Variants in FAM81A observed in about 807,000 individuals in gnomAD.
The protein encoded by FAM81A is protein FAM81A.
FAM81A carries 19 observed loss-of-function variants against 46.7 expected under a neutral mutation model. That is an observed-to-expected ratio of 0.41 (90% CI 0.28 to 0.60). The LOEUF (loss-of-function observed/expected upper bound fraction) is 0.60. FAM81A is among the 20% of genes least tolerant of loss of function. FAM81A has a pLI of 0.34. For missense variants in FAM81A, 377 were observed against 453.5 expected, an observed-to-expected ratio of 0.83 and a Z score of 1.53; for synonymous variants, 183 against 152.9, an observed-to-expected ratio of 1.20 and a Z score of -1.45.
At chr15:59,451,705 G>A (rs569220624) in intron 1 of FAM81A, among the ~76,000 whole-genome samples, 4 of 152,046 alleles carry the variant, frequency 2.6e-5, no homozygotes, top group Non-Finnish European at 4.4e-5. Flanking sequence ...CGTCCACCTC[G>A]GCCTCCCAAA....
chr15:59,442,618 C>CAAAAAAAAAAAAAA (rs1196305104), intron 1 of FAM81A, among the ~76,000 whole-genome samples: 6 of 76,696 alleles, frequency 7.8e-5, no homozygotes, highest in Non-Finnish European at 1.6e-4. Flanking sequence ...CTCCGTCTCT[C>CAAAAAAAAAAAAAA]AAAAAAAAAA....
intron 2 of FAM81A, among the ~76,000 whole-genome samples, chr15:59,422,728 A>G (rs547063178): frequency 4.5e-4 from 69 of 152,080 alleles, no homozygotes; most frequent in Non-Finnish European, 8.5e-4. Context: ...TGTCTGTCTC[A>G]GCCTCCCAAA....
At chr15:59,425,902 A>C (rs11855042) in intron 2 of FAM81A, among the ~76,000 whole-genome samples, 1 of 152,058 alleles carries the variant, frequency 6.6e-6, no homozygotes, top group African/African-American at 2.4e-5. Context: ...TTACAGGCAT[A>C]AGCCACTGCA....
chr15:59,404,055 G>A (rs1296497625), intron 2 of FAM81A, among the ~76,000 whole-genome samples: 2 of 151,838 alleles, frequency 1.3e-5, no homozygotes, highest in Non-Finnish European at 2.9e-5. Flanking sequence ...GCTAGTTTTT[G>A]TATTTTTAGT....
intron 2 of FAM81A, among the ~76,000 whole-genome samples, chr15:59,421,502 C>T (rs1352445367): frequency 6.6e-6 from 1 of 152,138 alleles, no homozygotes; most frequent in African/African-American, 2.4e-5. Flanking sequence ...GTCTGCTTTC[C>T]TCACAGGAGC....
chr15:59,518,180 GTTGGCCAGGCTAGTC>G (rs2082287313), intron 8 of FAM81A, among the ~76,000 whole-genome samples: 2 of 147,412 alleles, frequency 1.4e-5, no homozygotes, highest in Non-Finnish European at 3.0e-5. Flanking sequence ...GTTTCACCAT[GTTGGCCAGGCTAGTC>G]TTGAACCCCC....
chr15:59,459,559 G>T (rs1006161009), intron 2 of FAM81A, among the ~76,000 whole-genome samples: 9 of 152,012 alleles, frequency 5.9e-5, no homozygotes, highest in Non-Finnish European at 1.2e-4. Context: ...CCTGACCCAC[G>T]TAGGCATTGA....
intron 2 of FAM81A, among the ~76,000 whole-genome samples, chr15:59,415,948 T>A (rs1202354721): frequency 6.6e-6 from 1 of 152,220 alleles, no homozygotes; most frequent in African/African-American, 2.4e-5. Flanking sequence ...GGTCACAGAC[T>A]GGGTTCTGGA....
At chr15:59,474,129 C>G (rs1427771874) in intron 3 of FAM81A, among the ~76,000 whole-genome samples, 3 of 152,162 alleles carry the variant, frequency 2.0e-5, no homozygotes, top group African/African-American at 7.2e-5. Context: ...TCGTGCCACT[C>G]TTACTATAGC....
chr15:59,499,445 G>A (rs978644485), intron 4 of FAM81A, among the ~76,000 whole-genome samples: 3 of 152,154 alleles, frequency 2.0e-5, no homozygotes, highest in African/African-American at 7.2e-5. Context: ...TGACAGGAGA[G>A]AAAATATTCA....
intron 3 of FAM81A, among the ~76,000 whole-genome samples, chr15:59,485,206 G>A (rs775044548): frequency 6.6e-6 from 1 of 152,208 alleles, no homozygotes; most frequent in Non-Finnish European, 1.5e-5. Context: ...CTTAGGGGAA[G>A]GACACAAGCC....
At chr15:59,512,517 T>G (rs1330628184) in intron 6 of FAM81A, among the ~76,000 whole-genome samples, 6 of 148,374 alleles carry the variant, frequency 4.0e-5, no homozygotes, top group Non-Finnish European at 8.9e-5. Flanking sequence ...AAAAATATGC[T>G]GTTTTAAGAT....
At chr15:59,417,408 A>AC (rs2081151420) in intron 2 of FAM81A, among the ~76,000 whole-genome samples, 1 of 151,776 alleles carries the variant, frequency 6.6e-6, no homozygotes, top group Non-Finnish European at 1.5e-5. Context: ...AAACAAACAA[A>AC]AAAACAAGCT....
chr15:59,399,574 G>A (rs56365367), intron 1 of FAM81A, among the ~76,000 whole-genome samples: 19,269 of 152,126 alleles, frequency 0.13, 1,505 homozygotes, highest in Middle Eastern at 0.22. Context: ...AGGGATGTAC[G>A]AGAGGAGGAA....
intron 1 of FAM81A, among the ~76,000 whole-genome samples, chr15:59,454,669 A>G (rs1231400525): frequency 6.6e-6 from 1 of 152,118 alleles, no homozygotes; most frequent in Admixed American, 6.5e-5. Flanking sequence ...TCTGTCACCC[A>G]GGCTAGAGTG....
intron 3 of FAM81A, among the ~76,000 whole-genome samples, chr15:59,483,333 G>A (rs148587510): frequency 2.5e-3 from 374 of 152,074 alleles, no homozygotes; most frequent in African/African-American, 8.4e-3. Context: ...TACTGTGGCC[G>A]CCCAGTGAAA....
chr15:59,457,236 A>G (rs1474562752), intron 1 of FAM81A, among the ~76,000 whole-genome samples: 2 of 152,206 alleles, frequency 1.3e-5, no homozygotes, highest in African/African-American at 4.8e-5. Context: ...AAATAGTGTG[A>G]TGAAATCTTG....
In FAM81A at chr15:59,484,816, T is replaced by C. The variant is rs539037411; in HGVS notation, c.295-7455T>C. 9.9e-5 allele frequency among the ~76,000 whole-genome samples: 15 copies of C among 152,158 alleles called. No individual in the cohort carries two copies. The East Asian group carries it at 2.7e-3, about 28-fold the overall frequency. ...AGTGGAGAGGAGCACCAAGAAGTCT[T>C]TTGGGGTCCCTGACTCCAGGCCTTG... On this transcript the variant is annotated intron_variant, in intron 3 of 8. Transcript: ENST00000288228.
chr15:59,399,907 A>G (rs945207451), intron 1 of FAM81A, among the ~76,000 whole-genome samples: 13 of 152,128 alleles, frequency 8.5e-5, no homozygotes, highest in African/African-American at 2.4e-4. Flanking sequence ...TTCAGAACAC[A>G]TTTGAGTTTC....
Sources: gnomAD v4.1 joint callset for allele counts (sites outside exome capture counted in the v4.1 genomes callset) on GRCh38, gnomAD v4.1.1 for gene constraint, MANE v1.5 for transcripts, NCBI Gene and HGNC (gene_info 2026-07-23, HGNC 2026-07-21) for gene names.